CCBE1: variants seen among roughly 807,000 people sequenced by gnomAD.
CCBE1 encodes collagen and calcium-binding EGF domain-containing protein 1.
In CCBE1, 37 loss-of-function variants were observed where a neutral mutation model predicts 50.0. The observed-to-expected ratio is 0.74, with a 90% CI of 0.57 to 0.97. The LOEUF (loss-of-function observed/expected upper bound fraction) is 0.97. Among genes scored for constraint, CCBE1 ranks in the 50% least tolerant of loss-of-function variants. The probability of loss-of-function intolerance (pLI) is 0.00; values close to 1 mark genes in which losing one functional copy is unlikely to be tolerated. For synonymous variants in CCBE1, 234 were observed against 203.7 expected, an observed-to-expected ratio of 1.15 and a Z score of -1.27; for missense variants, 538 against 523.8, an observed-to-expected ratio of 1.03 and a Z score of -0.26.
At chr18:59,506,245 A>G (rs1913867428) in intron 2 of CCBE1, among the ~76,000 whole-genome samples, 1 of 152,188 alleles carries the variant, frequency 6.6e-6, no homozygotes, top group Admixed American at 6.5e-5. Flanking sequence ...AAGCAAAGAA[A>G]TGCCAAGGAT....
intron 7 of CCBE1, among the ~76,000 whole-genome samples, chr18:59,446,569 AAG>A (rs1313623183): frequency 1.3e-5 from 2 of 151,514 alleles, no homozygotes; most frequent in African/African-American, 4.9e-5. Flanking sequence ...CTTGTGTTTG[AAG>A]AGTTTAAGAC....
chr18:59,624,772 G>A (rs2053757944), intron 2 of CCBE1, among the ~76,000 whole-genome samples: 1 of 152,216 alleles, frequency 6.6e-6, no homozygotes, highest in Non-Finnish European at 1.5e-5. Flanking sequence ...GGCTAGGTAA[G>A]GTGATTCTAC....
intron 2 of CCBE1, among the ~76,000 whole-genome samples, chr18:59,621,092 C>T (rs1365352607): frequency 6.6e-6 from 1 of 152,180 alleles, no homozygotes; most frequent in Non-Finnish European, 1.5e-5. Flanking sequence ...AAGACCACAC[C>T]TCTCTTAGAA....
intron 2 of CCBE1, among the ~76,000 whole-genome samples, chr18:59,514,063 G>A: frequency 6.6e-6 from 1 of 152,150 alleles, no homozygotes; most frequent in Admixed American, 6.5e-5. Context: ...CCTTTCCAAT[G>A]AACCCTCATA....
intron 2 of CCBE1, among the ~76,000 whole-genome samples, chr18:59,561,297 G>A (rs1373308914): frequency 6.6e-6 from 1 of 152,130 alleles, no homozygotes; most frequent in Non-Finnish European, 1.5e-5. Context: ...TCAAGCCTAT[G>A]TGTATGTATT....
chr18:59,523,586 T>TA (rs1347675688), intron 2 of CCBE1, among the ~76,000 whole-genome samples: 1 of 152,194 alleles, frequency 6.6e-6, no homozygotes, highest in Non-Finnish European at 1.5e-5. Context: ...TTATTGTTGC[T>TA]ATAAAATATA....
At chr18:59,688,041 A>C (rs2054680698) in intron 2 of CCBE1, among the ~76,000 whole-genome samples, 1 of 152,270 alleles carries the variant, frequency 6.6e-6, no homozygotes, top group African/African-American at 2.4e-5. Flanking sequence ...TTAGCCATAC[A>C]TGGAAAAATA....
intron 2 of CCBE1, among the ~76,000 whole-genome samples, chr18:59,484,262 T>A (rs970670386): frequency 1.3e-5 from 2 of 152,212 alleles, no homozygotes; most frequent in African/African-American, 2.4e-5. Flanking sequence ...ACTAGATGAT[T>A]TGAAACTCCA....
intron 2 of CCBE1, among the ~76,000 whole-genome samples, chr18:59,645,729 C>T (rs1373876562): frequency 6.6e-6 from 1 of 152,162 alleles, no homozygotes; most frequent in East Asian, 1.9e-4. Context: ...CCAAAACCTG[C>T]CTTAAAAGTA....
intron 2 of CCBE1, among the ~76,000 whole-genome samples, chr18:59,594,079 C>T (rs2053315110): frequency 6.6e-6 from 1 of 152,236 alleles, no homozygotes; most frequent in South Asian, 2.1e-4. Flanking sequence ...CAAGCCAAGG[C>T]AGCTTCATGA....
chr18:59,677,215 A>T (rs1323523672), intron 2 of CCBE1, among the ~76,000 whole-genome samples: 1 of 152,212 alleles, frequency 6.6e-6, no homozygotes, highest in Admixed American at 6.5e-5. Flanking sequence ...TCGTGGAGAG[A>T]GATAGCCCAA....
intron 2 of CCBE1, among the ~76,000 whole-genome samples, chr18:59,650,053 C>A (rs534301549): frequency 6.6e-6 from 1 of 152,228 alleles, no homozygotes; most frequent in East Asian, 1.9e-4. Flanking sequence ...GAGCCACCCT[C>A]CAAAGTCCGC....
intron 2 of CCBE1, chr18:59,665,936 T>C (rs1447611905): frequency 6.6e-6 from 1 of 152,174 alleles, no homozygotes; most frequent in Non-Finnish European, 1.5e-5. Context: ...CAAAACACTG[T>C]TGTGGACAAC....
At chr18:59,613,149 T>TAC (rs1356282855) in intron 2 of CCBE1, among the ~76,000 whole-genome samples, 1 of 151,848 alleles carries the variant, frequency 6.6e-6, no homozygotes, top group Non-Finnish European at 1.5e-5. Flanking sequence ...GAGCATGCTC[T>TAC]ACACCTGTGT....
Position 59,593,897 on chromosome 18 carries a change from G to A in CCBE1, c.212+102732C>T, listed in dbSNP as rs546493235. On this transcript the variant is annotated intron_variant, in intron 2 of 10. Transcript: ENST00000439986. The stretch of plus-strand genomic sequence containing the variant: ...CTGTAGGTCTCAGGAGGAACTGCAC[G>A]GGGTCCATATCCCAAAGAGGGGTGA... Among the ~76,000 whole-genome samples, 77 of 152,328 alleles carry A rather than the reference G, an allele frequency of 5.1e-4. 1 individual carries two copies. In the South Asian group the frequency reaches 0.013, roughly 25 times the overall value.
intron 2 of CCBE1, among the ~76,000 whole-genome samples, chr18:59,589,519 G>A (rs2053227850): frequency 6.6e-6 from 1 of 152,112 alleles, no homozygotes; most frequent in African/African-American, 2.4e-5. Flanking sequence ...CCATGGGCCA[G>A]GCACGGTGGC....
upstream of CCBE1, chr18:59,697,602 C>T: frequency 2.0e-6 from 1 of 490,608 alleles, no homozygotes; most frequent in Non-Finnish European, 3.6e-6. Flanking sequence ...GGCGCGAGGG[C>T]CCTGAGGTTC....
chr18:59,543,418 A>C (rs11659526), intron 2 of CCBE1, among the ~76,000 whole-genome samples: 48,122 of 152,104 alleles, frequency 0.32, 7,851 homozygotes, highest in Non-Finnish European at 0.35. Context: ...GCTAATATTT[A>C]GGATTAAAAA....
At chr18:59,566,911 G>A (rs868145400) in intron 2 of CCBE1, among the ~76,000 whole-genome samples, 1 of 152,202 alleles carries the variant, frequency 6.6e-6, no homozygotes, top group East Asian at 1.9e-4. Context: ...GAAAGTCGGG[G>A]TGAAATGAAC....
Sources: gnomAD v4.1 joint callset for allele counts (sites outside exome capture counted in the v4.1 genomes callset) on GRCh38, gnomAD v4.1.1 for gene constraint, MANE v1.5 for transcripts, NCBI Gene and HGNC (gene_info 2026-07-23, HGNC 2026-07-21) for gene names.